The following LRP12 variants were observed in gnomAD, a reference collection of about 807,000 sequenced individuals.
LRP12 encodes the protein low-density lipoprotein receptor-related protein 12.
A neutral mutation model predicts 66.0 loss-of-function variants in LRP12; 14 were observed. The observed-to-expected ratio is 0.21, with a 90% CI of 0.14 to 0.33. The LOEUF (loss-of-function observed/expected upper bound fraction) is 0.33. Ranked by LOEUF, LRP12 falls within the 10% of genes least tolerant of loss-of-function variation. The probability of loss-of-function intolerance (pLI) is 1.00; values close to 1 mark genes in which losing one functional copy is unlikely to be tolerated. For missense variants in LRP12, 889 were observed against 1,053.4 expected, an observed-to-expected ratio of 0.84 and a Z score of 2.16; for synonymous variants, 357 against 359.1, an observed-to-expected ratio of 0.99 and a Z score of 0.07.
Position 104,499,416 on chromosome 8 carries a change from T to C in LRP12, c.376A>G (p.Ile126Val), listed in dbSNP as rs746363546. 6.4e-5 allele frequency: 103 copies of C among 1,613,664 alleles called. No homozygotes were observed. The East Asian group carries it at 7.8e-4, about 12-fold the overall frequency. ...IESYRACGST[I>V]PPPYISSQDH... ...TGTGAAGAGATATACGGAGGTGGAATTGTGGAACCACAAGCTCTGTAACTT... is the reference window on the plus strand; with the variant it reads ...TGTGAAGAGATATACGGAGGTGGAACTGTGGAACCACAAGCTCTGTAACTT... The change falls in exon 4 of 7, where the codon ATT becomes GTT. Residue 126 changes from isoleucine (I) to valine (V), a missense_variant. Transcript: ENST00000276654.
chr8:104,514,563 A>T (rs76124892), intron 2 of LRP12, among the ~76,000 whole-genome samples: 1 of 151,316 alleles, frequency 6.6e-6, no homozygotes, highest in Non-Finnish European at 1.5e-5. Flanking sequence ...AAAAAAAAAA[A>T]AATTAGCCAG....
Position 104,499,486 on chromosome 8 carries a change from C to A in LRP12, c.306G>T (p.Arg102Ser). The change falls in exon 4 of 7, where the codon AGG (arginine) becomes AGT (serine). Residue 102 changes from arginine (R) to serine (S), a missense_variant. Coordinates refer to ENST00000276654, the MANE Select transcript of LRP12 (RefSeq NM_013437.5). ...FQDFDIQGSR[R>S]CNLDWLTIET... Reference sequence around the variant, plus strand: ...CTATTGTCAACCAGTCCAAATTGCACCTTCTGGATCCTTGAATATCAAAAT... The same window carrying A: ...CTATTGTCAACCAGTCCAAATTGCAACTTCTGGATCCTTGAATATCAAAAT... 1 of 1,604,866 alleles carries A rather than the reference C, an allele frequency of 6.2e-7. No individual in the cohort carries two copies.
At chr8:104,520,667 T>C (rs1268166392) in intron 2 of LRP12, among the ~76,000 whole-genome samples, 3 of 152,034 alleles carry the variant, frequency 2.0e-5, no homozygotes. Context: ...GTATTTCTAT[T>C]ACTGCAGTTT....
At chr8:104,557,107 T>C (rs763715222) in intron 1 of LRP12, among the ~76,000 whole-genome samples, 11 of 152,184 alleles carry the variant, frequency 7.2e-5, no homozygotes, top group Non-Finnish European at 1.2e-4. Context: ...AGAAGGTACA[T>C]ACATTAAGGC....
chr8:104,583,295 C>T (rs1812284100), intron 1 of LRP12, among the ~76,000 whole-genome samples: 1 of 152,148 alleles, frequency 6.6e-6, no homozygotes, highest in African/African-American at 2.4e-5. Context: ...CTCATCCTGT[C>T]ACTCTCCCTT....
intron 2 of LRP12, among the ~76,000 whole-genome samples, chr8:104,517,196 A>T (rs1811082368): frequency 6.7e-6 from 1 of 150,312 alleles, no homozygotes. Flanking sequence ...ACAGCATACC[A>T]GATAATACAG....
rs370487342 is a variant in LRP12, at chr8:104,518,293, T to C, written c.137-9219A>G. Among the ~76,000 whole-genome samples the C allele has an allele frequency of 1.6e-4, 24 of 152,152 alleles. No homozygotes were observed. The South Asian group carries it at 1.7e-3, about 11-fold the overall frequency. ...GGTACCTTAATACTTATTATTATTA[T>C]CCCTATTTAACAGATAAGAAAAAAA... On this transcript the variant is annotated intron_variant, in intron 2 of 6. Coordinates refer to ENST00000276654, the MANE Select transcript of LRP12 (RefSeq NM_013437.5).
At chr8:104,542,953 T>C (rs1811500007) in intron 1 of LRP12, among the ~76,000 whole-genome samples, 1 of 149,800 alleles carries the variant, frequency 6.7e-6, no homozygotes, top group Non-Finnish European at 1.5e-5. Context: ...TAGGAAAAGT[T>C]TGTGAAAGAC....
intron 6 of LRP12, among the ~76,000 whole-genome samples, chr8:104,493,138 CATT>C (rs1207023619): frequency 1.3e-5 from 2 of 152,056 alleles, no homozygotes; most frequent in Non-Finnish European, 2.9e-5. Context: ...GGCAATCTAA[CATT>C]ATATTTTATG....
chr8:104,588,964 A>ACGCCGACGCCGCCGCCGC lies in LRP12; in HGVS notation c.-85_-68dup. ...AGGGAGGAGAAGCTGGAGGTAGACG[A>ACGCCGACGCCGCCGCCGC]CGCCGACGCCGCCGCCGCCGCCGCC... On this transcript the variant is annotated 5_prime_UTR_variant, in exon 1 of 7. Transcript: ENST00000276654. 1.1e-6 allele frequency: 1 copy of ACGCCGACGCCGCCGCCGC among 905,716 alleles called. No individual in the cohort carries two copies. Among genetic ancestry groups the ACGCCGACGCCGCCGCCGC allele is most frequent in the Non-Finnish European group, 1.6e-6 (1 of 637,496 alleles). The allele number at this position is 905,716 out of a possible 1,614,324, so 56.1% of individuals were successfully genotyped here.
intron 5 of LRP12, among the ~76,000 whole-genome samples, chr8:104,496,361 T>C (rs1473546926): frequency 6.6e-6 from 1 of 152,230 alleles, no homozygotes; most frequent in African/African-American, 2.4e-5. Context: ...TATATTTTCC[T>C]AGGTTATTGC....
intron 1 of LRP12, among the ~76,000 whole-genome samples, chr8:104,548,621 A>ATATAATTATTATATAATTAAATTAATTC (rs1413417939): frequency 5.4e-5 from 6 of 111,436 alleles, no homozygotes; most frequent in African/African-American, 2.5e-4. Context: ...TAAATTAATT[A>ATATAATTATTATATAATTAAATTAATTC]TATAATTATT....
intron 1 of LRP12, among the ~76,000 whole-genome samples, chr8:104,571,685 T>A (rs1365166135): frequency 2.0e-5 from 3 of 152,236 alleles, no homozygotes; most frequent in Non-Finnish European, 4.4e-5. Flanking sequence ...CAGGCAGTTC[T>A]TTACAGCAGT....
At chr8:104,518,283 A>T (rs756150920) in intron 2 of LRP12, among the ~76,000 whole-genome samples, 6 of 152,034 alleles carry the variant, frequency 3.9e-5, no homozygotes, top group Non-Finnish European at 7.4e-5. Context: ...CTTAATACTT[A>T]TTATTATTAT....
intron 1 of LRP12, among the ~76,000 whole-genome samples, chr8:104,536,858 A>G (rs1811399001): frequency 1.3e-5 from 2 of 152,090 alleles, no homozygotes; most frequent in Non-Finnish European, 2.9e-5. Context: ...TTAGTAAGGT[A>G]GTAGGATATA....
At chr8:104,531,637 T>C (rs566609040) in intron 2 of LRP12, among the ~76,000 whole-genome samples, 1 of 152,220 alleles carries the variant, frequency 6.6e-6, no homozygotes, top group African/African-American at 2.4e-5. Flanking sequence ...CTAATTCAAC[T>C]TGAGCTAACT....
At chr8:104,560,574 AT>A (rs1343611829) in intron 1 of LRP12, among the ~76,000 whole-genome samples, 1 of 152,154 alleles carries the variant, frequency 6.6e-6, no homozygotes, top group Non-Finnish European at 1.5e-5. Context: ...CTTGAGATCA[AT>A]TTGTCTTTGC....
At position 104,523,158 on chromosome 8, in the gene LRP12, A is replaced by G. The variant is rs542663228; in HGVS notation, c.136+8749T>C. On this transcript the variant is annotated intron_variant, in intron 2 of 6. Transcript: ENST00000276654. ...GTTTGAATTGTGTAAGTCCACTTAT[A>G]CATGGATTTTTTCCAACAAATACAT... Among the ~76,000 whole-genome samples the G allele has an allele frequency of 1.1e-4, 17 of 152,344 alleles. No individual in the cohort carries two copies. In the South Asian group the frequency reaches 3.5e-3, roughly 32 times the overall value.
chr8:104,548,143 A>ATTATATATTAAT (rs1811633417), intron 1 of LRP12, among the ~76,000 whole-genome samples: 1 of 89,246 alleles, frequency 1.1e-5, no homozygotes, highest in African/African-American at 4.9e-5. Context: ...AATTATAATT[A>ATTATATATTAAT]TATTATATAT....
Sources: gnomAD v4.1 joint callset for allele counts (sites outside exome capture counted in the v4.1 genomes callset) on GRCh38, gnomAD v4.1.1 for gene constraint, MANE v1.5 for transcripts, NCBI Gene and HGNC (gene_info 2026-07-23, HGNC 2026-07-21) for gene names.